Variants in LRP1 observed in about 807,000 individuals in gnomAD.
The protein encoded by LRP1 is prolow-density lipoprotein receptor-related protein 1.
A neutral mutation model predicts 541.5 loss-of-function variants in LRP1; 51 were observed. The ratio of observed to expected loss-of-function variants is 0.09; its 90% CI spans 0.08 to 0.12. The LOEUF (loss-of-function observed/expected upper bound fraction) is 0.12. Ranked by LOEUF, LRP1 falls within the 10% of genes least tolerant of loss-of-function variation. The pLI is 1.00. For missense variants in LRP1, 3,878 were observed against 6,376.2 expected, an observed-to-expected ratio of 0.61 and a Z score of 13.34; for synonymous variants, 2,219 against 2,470.8, an observed-to-expected ratio of 0.90 and a Z score of 3.02.
Position 57,162,623 on chromosome 12 carries a change from A to C in LRP1, c.2404+105A>C. On this transcript the variant is annotated intron_variant, in intron 14 of 88. Transcript: ENST00000243077. The surrounding 1 kb of genome is among the most constrained non-coding windows in gnomAD (Gnocchi z 5.2). ...AGTGAAGGCACTTCCCAGGGATCCT[A>C]GGCTCTGACTTTTGAGGATCCTGAG... The C allele has an allele frequency of 7.5e-7, 1 of 1,341,866 alleles. No individual in the cohort carries two copies. The highest frequency in any genetic ancestry group is 1.0e-6 in the Non-Finnish European group (1 of 964,422). 83.1% of individuals were successfully genotyped at this position (1,341,866 alleles called of 1,614,324 possible).
At chr12:57,135,653 GC>G (rs1260915848) in intron 1 of LRP1, among the ~76,000 whole-genome samples, 1 of 152,156 alleles carries the variant, frequency 6.6e-6, no homozygotes, top group Admixed American at 6.5e-5. Flanking sequence ...GGGAGATGTG[GC>G]CCCCTCCCCC....
At chr12:57,180,629 G>C (rs376268322) in intron 32 of LRP1, 38 bp from the exon 33 acceptor site, 2 of 1,612,702 alleles carry the variant, frequency 1.2e-6, no homozygotes, top group African/African-American at 2.7e-5. Flanking sequence ...CTGGGTGTGG[G>C]GCCTTCCCAA....
At position 57,165,604 on chromosome 12, in the gene LRP1, A is replaced by T. The variant is rs908856584; in HGVS notation, c.2531-201A>T. The T allele has an allele frequency of 2.7e-5, 16 of 586,372 alleles. No individual in the cohort carries two copies. The highest frequency in any genetic ancestry group is 4.2e-5 in the Non-Finnish European group (14 of 332,138). The allele number at this position is 586,372 out of a possible 1,614,324, so 36.3% of individuals were successfully genotyped here. A position where few individuals can be genotyped will look rare whatever the true frequency, so the allele number is the denominator to read the frequency against. On this transcript the variant is annotated intron_variant, in intron 15 of 88. Coordinates refer to ENST00000243077, the MANE Select transcript of LRP1 (RefSeq NM_002332.3). The surrounding 1 kb of genome is among the most constrained non-coding windows in gnomAD (Gnocchi z 4.5). Reference sequence around the variant, plus strand: ...CACTGAAGTACAGTAAGCATTAAGTAGAGTAAACATCACTATTGTTGCTTG... The same window carrying T: ...CACTGAAGTACAGTAAGCATTAAGTTGAGTAAACATCACTATTGTTGCTTG...
At chr12:57,166,539 C>A in intron 17 of LRP1, 1 of 391,918 alleles carries the variant, frequency 2.6e-6, no homozygotes, top group South Asian at 3.3e-5. Context: ...CCAGCCTAGA[C>A]AACAGAGCGA....
Position 57,167,558 on chromosome 12 carries a change from A to C in LRP1, c.2995+34A>C, listed in dbSNP as rs2035864561. On this transcript the variant is annotated intron_variant, in intron 19 of 88. Transcript: ENST00000243077. ...TTGCTCTCCTCACCTGCTGATTCCT[A>C]AGACAGCTAGAGGCTACAGCCAGGC... is the stretch of plus-strand genomic sequence containing the variant. 4 of 1,568,970 alleles carry C rather than the reference A, an allele frequency of 2.5e-6. No homozygotes were observed. In the South Asian group the frequency reaches 3.3e-5, roughly 13 times the overall value.
chr12:57,207,493 T>G (rs1258272874), intron 76 of LRP1, among the ~76,000 whole-genome samples: 4 of 149,158 alleles, frequency 2.7e-5, no homozygotes, highest in Non-Finnish European at 5.9e-5. Context: ...AGAATAGCAC[T>G]GCACTCCAGC....
Position 57,173,280 on chromosome 12 carries a change from C to A in LRP1, c.3276C>A (p.Ser1092Arg). Residue 1092 changes from serine to arginine, a missense_variant, in exon 21 of 89, where the codon AGC (serine) becomes AGA (arginine). This residue lies in a region of LRP1 where 320 missense variants were observed against 547.9 expected (regional missense o/e 0.58). Coordinates refer to ENST00000243077, the MANE Select transcript of LRP1 (RefSeq NM_002332.3). The surrounding 1 kb of genome is among the most constrained non-coding windows in gnomAD (Gnocchi z 4.7). Reference protein sequence around the residue: ...CDGDTDCMDSSDEKSCEGVTH... With the variant: ...CDGDTDCMDSRDEKSCEGVTH... ...GGGACACTGACTGCATGGACTCCAG[C>A]GATGAGAAGAGCTGTGAGGGAGTGA... 1 of 1,614,052 alleles carries A rather than the reference C, an allele frequency of 6.2e-7. No individual in the cohort carries two copies. The highest frequency in any genetic ancestry group is 2.2e-5 in the East Asian group (1 of 44,886).
At chr12:57,194,919 C>A in intron 50 of LRP1, 66 bp from the exon 51 acceptor site, 1 of 1,353,280 alleles carries the variant, frequency 7.4e-7, no homozygotes. Flanking sequence ...CTTCCCATGG[C>A]ATCAGCCTCC....
Position 57,177,896 on chromosome 12 carries a change from G to A in LRP1, c.4361+305G>A, listed in dbSNP as rs1486602615. Among the ~76,000 whole-genome samples, 1 of 152,010 alleles carries A rather than the reference G, an allele frequency of 6.6e-6. No homozygotes were observed. The highest frequency in any genetic ancestry group is 6.5e-5 in the Admixed American group (1 of 15,270). On this transcript the variant is annotated intron_variant, in intron 26 of 88. Coordinates refer to ENST00000243077, the MANE Select transcript of LRP1 (RefSeq NM_002332.3). The surrounding 1 kb of genome is among the most constrained non-coding windows in gnomAD (Gnocchi z 6.8). ...CTGGGGCTGTGTCTGCCCAGAGGGA[G>A]GGGAAACTTCTTTCTAATTGGTCTG... is the stretch of plus-strand genomic sequence containing the variant.
rs776766672 is a variant in LRP1, at chr12:57,161,004, A to C, written c.2091A>C (p.Thr697=). ...GAGACATCTTTGTCACCTCCAAGAC[A>C]GTGCTTTGGCCCAATGGGCTAAGCC... The part of the protein sequence containing the change: ...SHRDIFVTSK[T]VLWPNGLSLD... The change falls in exon 13 of 89, where the codon ACA becomes ACC. Residue 697 remains threonine, a synonymous_variant. Coordinates refer to ENST00000243077, the MANE Select transcript of LRP1 (RefSeq NM_002332.3). The C allele has an allele frequency of 6.2e-7, 1 of 1,613,940 alleles. No individual in the cohort carries two copies. The highest frequency in any genetic ancestry group is 1.7e-5 in the Admixed American group (1 of 60,022).
At chr12:57,160,132 T>A in intron 12 of LRP1, 127 bp downstream of exon 12, 1 of 868,982 alleles carries the variant, frequency 1.2e-6, no homozygotes, top group Non-Finnish European at 1.8e-6. Flanking sequence ...GGAATGAGAG[T>A]CTGCAAGGGG....
Position 57,154,174 on chromosome 12 carries a change from C to A in LRP1, c.842-34C>A. 6.3e-7 allele frequency: 1 copy of A among 1,593,928 alleles called. No individual in the cohort carries two copies. Among genetic ancestry groups the A allele is most frequent in the South Asian group, 1.1e-5 (1 of 89,080 alleles). ...TGGGCATCTCTGCAAGAGGGCCTAC[C>A]CCACCCCATGGCTCTTTCATTCGTA... On this transcript the variant is annotated intron_variant, in intron 6 of 88. Transcript: ENST00000243077. This position sits in a 1 kb window ranked among gnomAD's most constrained non-coding sequence, Gnocchi z 4.6.
rs2136683461 is a variant in LRP1, at chr12:57,162,679, CT to C, written c.2404+162del. 6.6e-6 allele frequency among the ~76,000 whole-genome samples: 1 copy of C among 152,266 alleles called. No homozygotes were observed. The highest frequency in any genetic ancestry group is 2.4e-5 in the African/African-American group (1 of 41,544). ...AACTCCCCCAACACAATCTGATTCT[CT>C]GTTCCCCATTTCCCTTCCTGCCCCA... On this transcript the variant is annotated intron_variant, in intron 14 of 88. Transcript: ENST00000243077. This position sits in a 1 kb window ranked among gnomAD's most constrained non-coding sequence, Gnocchi z 5.2.
Position 57,206,611 on chromosome 12 carries a change from A to C in LRP1, c.11729A>C (p.Lys3910Thr), listed in dbSNP as rs2036784489. Residue 3910 changes from lysine to threonine, a missense_variant, in exon 76 of 89, where the codon AAG becomes ACG. By Grantham distance (78) the Lys-to-Thr change is moderately conservative. This residue lies in a region of LRP1 where 871 missense variants were observed against 1,212.4 expected (regional missense o/e 0.72). Coordinates refer to ENST00000243077, the MANE Select transcript of LRP1 (RefSeq NM_002332.3). The surrounding 1 kb of genome is among the most constrained non-coding windows in gnomAD (Gnocchi z 4.7). ...ATTGATGCTATGGATGTCCATGTCA[A>C]GGCTGGCCGTGTCTATTGGACCAAC... is the stretch of plus-strand genomic sequence containing the variant. ...VRIDAMDVHV[K>T]AGRVYWTNWH... 6.2e-7 allele frequency: 1 copy of C among 1,614,060 alleles called. No homozygotes were observed. The highest frequency in any genetic ancestry group is 8.5e-7 in the Non-Finnish European group (1 of 1,180,048).
At position 57,184,411 on chromosome 12, in the gene LRP1, G is replaced by T. The variant is rs370631912; in HGVS notation, c.6145G>T (p.Val2049Phe). Residue 2049 changes from valine to phenylalanine, a missense_variant, in exon 38 of 89, where the codon GTC becomes TTC. By Grantham distance (50) the Val-to-Phe change is conservative. Around this residue, in one of 13 missense-constraint regions of LRP1, gnomAD observed 1,100 missense variants for 1,827.4 expected, o/e 0.60. Coordinates refer to ENST00000243077, the MANE Select transcript of LRP1 (RefSeq NM_002332.3). The surrounding 1 kb of genome is among the most constrained non-coding windows in gnomAD (Gnocchi z 7.8). ...DGTERVVLVN[V>F]SISWPNGISV... ...CACGGAGCGTGTGGTGCTGGTCAAC[G>T]TCAGCATCAGCTGGCCCAACGGCAT... 6.2e-7 allele frequency: 1 copy of T among 1,614,234 alleles called. No homozygotes were observed. Among genetic ancestry groups the T allele is most frequent in the East Asian group, 2.2e-5 (1 of 44,894 alleles).
At position 57,169,265 on chromosome 12, in the gene LRP1, G is replaced by A. The variant is rs780264587; in HGVS notation, c.3121G>A (p.Gly1041Arg). ...HWTCDGDNDC[G>R]DYSDETHANC... ...GACCTGCGATGGGGACAATGACTGC[G>A]GAGACTACAGTGATGAGACACACGC... The change falls in exon 20 of 89, where the codon GGA becomes AGA. Residue 1041 changes from glycine (G) to arginine (R), a missense_variant. This residue lies in a region of LRP1 where 320 missense variants were observed against 547.9 expected (regional missense o/e 0.58). Transcript: ENST00000243077. 6 of 1,613,572 alleles carry A rather than the reference G, an allele frequency of 3.7e-6. No individual in the cohort carries two copies. Among genetic ancestry groups the A allele is most frequent in the East Asian group, 4.5e-5 (2 of 44,896 alleles).
chr12:57,203,596 ATTCT>A (rs1310241232), intron 70 of LRP1, 75 bp downstream of exon 70: 1 of 1,413,702 alleles, frequency 7.1e-7, no homozygotes, highest in Non-Finnish European at 9.3e-7. Context: ...TCATTCACTC[ATTCT>A]TTCTCTTCTG....
At chr12:57,163,059 T>A in intron 15 of LRP1, 76 bp downstream of exon 15, 1 of 1,501,628 alleles carries the variant, frequency 6.7e-7, no homozygotes, top group Non-Finnish European at 8.9e-7. Flanking sequence ...GAGGGGAGGA[T>A]CCAGGGTCCC....
Position 57,178,683 on chromosome 12 carries a change from A to G in LRP1, c.4606+80A>G. Reference sequence around the variant, plus strand: ...GCTGTAGAAGCTCTTAGGAGAGGAGAGGGCAGTGAGAACAGGAGCAAGTCT... The same window carrying G: ...GCTGTAGAAGCTCTTAGGAGAGGAGGGGGCAGTGAGAACAGGAGCAAGTCT... On this transcript the variant is annotated intron_variant, in intron 27 of 88. Transcript: ENST00000243077. The surrounding 1 kb of genome is among the most constrained non-coding windows in gnomAD (Gnocchi z 5.8). 1.3e-6 allele frequency: 2 copies of G among 1,591,082 alleles called. No individual in the cohort carries two copies. Among genetic ancestry groups the G allele is most frequent in the Non-Finnish European group, 8.6e-7 (1 of 1,167,026 alleles).
Sources: gnomAD v4.1 joint callset for allele counts (sites outside exome capture counted in the v4.1 genomes callset) on GRCh38, gnomAD v4.1.1 for gene constraint, gnomAD v4.1.1 regional missense constraint, Gnocchi (gnomAD v3.1) non-coding constraint, MANE v1.5 for transcripts, NCBI Gene and HGNC (gene_info 2026-07-23, HGNC 2026-07-21) for gene names.